Variants in BAZ2B observed in about 807,000 individuals in gnomAD.
BAZ2B encodes bromodomain adjacent to zinc finger domain 2B.
In BAZ2B, 91 loss-of-function variants were observed where a neutral mutation model predicts 246.0. That is an observed-to-expected ratio of 0.37 (90% CI 0.31 to 0.44). BAZ2B has a LOEUF of 0.44. Among genes scored for constraint, BAZ2B ranks in the 20% least tolerant of loss-of-function variants. The probability of loss-of-function intolerance (pLI) is 1.00; values close to 1 mark genes in which losing one functional copy is unlikely to be tolerated. For synonymous variants in BAZ2B, 855 were observed against 860.0 expected (o/e 0.99, Z 0.10); for missense variants, 2,332 against 2,533.7 (o/e 0.92, Z 1.71).
At chr2:159,324,403 T>C (rs2063149566) in intron 36 of BAZ2B, among the ~76,000 whole-genome samples, 1 of 152,184 alleles carries the variant, frequency 6.6e-6, no homozygotes, top group South Asian at 2.1e-4. Context: ...GAGTCAATTT[T>C]TGTTAAATCC....
intron 31 of BAZ2B, among the ~76,000 whole-genome samples, chr2:159,343,175 T>C (rs889570389): frequency 1.3e-5 from 2 of 152,146 alleles, no homozygotes; most frequent in African/African-American, 4.8e-5. Context: ...AAAAGAATAG[T>C]CTCTTCAATA....
chr2:159,708,322 G>A, the BAZ2B span, among the ~76,000 whole-genome samples: 2 of 152,234 alleles, frequency 1.3e-5, no homozygotes, highest in Admixed American at 6.5e-5. Flanking sequence ...AAATGTATCT[G>A]CTTTTCTTAA....
chr2:159,598,077 T>G (rs1691189756), intron 1 of BAZ2B, among the ~76,000 whole-genome samples: 1 of 151,822 alleles, frequency 6.6e-6, no homozygotes, highest in Admixed American at 6.6e-5. Flanking sequence ...CACTGCAATC[T>G]CTGCCTCCCG....
In BAZ2B at chr2:159,373,082, ACATTGGGG is replaced by A; in HGVS notation, c.4168_4175del (p.Pro1390TrpfsTer12). ...CCATGCCTTCTACAAAAATCCCCCC[ACATTGGGG>A]AAGAATCCAGTACCGGCGTCTGTAA... On this transcript the variant is annotated frameshift_variant, in exon 27 of 37. Coordinates refer to ENST00000392783, the MANE Select transcript of BAZ2B (RefSeq NM_013450.4). LOFTEE classifies it high-confidence loss of function. The A allele has an allele frequency of 1.2e-6, 2 of 1,614,034 alleles. No homozygotes were observed. The highest frequency in any genetic ancestry group is 1.7e-6 in the Non-Finnish European group (2 of 1,179,930).
intron 2 of BAZ2B, among the ~76,000 whole-genome samples, chr2:159,494,559 G>A (rs1439501492): frequency 6.6e-6 from 1 of 152,184 alleles, no homozygotes; most frequent in African/African-American, 2.4e-5. Flanking sequence ...GAGAGCAGCT[G>A]TACAAAATTC....
At chr2:159,356,315 C>T (rs1197115228) in intron 27 of BAZ2B, among the ~76,000 whole-genome samples, 4 of 152,144 alleles carry the variant, frequency 2.6e-5, no homozygotes, top group Admixed American at 6.5e-5. Context: ...AAGGGGTGTC[C>T]GCCATTACAG....
intron 1 of BAZ2B, among the ~76,000 whole-genome samples, chr2:159,576,231 A>C (rs1685249532): frequency 6.6e-6 from 1 of 152,178 alleles, no homozygotes; most frequent in South Asian, 2.1e-4. Flanking sequence ...CTGTAAGTAG[A>C]ACAAATATAC....
At chr2:159,692,783 G>T in the BAZ2B span, among the ~76,000 whole-genome samples, 44 of 152,238 alleles carry the variant, frequency 2.9e-4, 1 homozygote, top group South Asian at 9.1e-3. Context: ...ATCCCATATG[G>T]TCATAATATG....
intron 13 of BAZ2B, among the ~76,000 whole-genome samples, chr2:159,424,804 A>G (rs2069476823): frequency 6.6e-6 from 1 of 152,230 alleles, no homozygotes; most frequent in Non-Finnish European, 1.5e-5. Flanking sequence ...CAGATTACTT[A>G]TAATAGTAAA....
At chr2:159,594,338 C>G (rs1404132213) in intron 1 of BAZ2B, among the ~76,000 whole-genome samples, 2 of 152,114 alleles carry the variant, frequency 1.3e-5, no homozygotes, top group African/African-American at 4.8e-5. Flanking sequence ...ACCCGGGAGG[C>G]GGAGCTTGCA....
the BAZ2B span, among the ~76,000 whole-genome samples, chr2:159,695,672 A>C: frequency 6.6e-6 from 1 of 152,184 alleles, no homozygotes; most frequent in Non-Finnish European, 1.5e-5. Flanking sequence ...GCATTCTTGA[A>C]GAAAATGAAT....
At chr2:159,572,362 G>A (rs1361226577) in intron 1 of BAZ2B, among the ~76,000 whole-genome samples, 1 of 152,194 alleles carries the variant, frequency 6.6e-6, no homozygotes, top group Non-Finnish European at 1.5e-5. Flanking sequence ...AGACCCTACT[G>A]GTGGCTGGCA....
the BAZ2B span, among the ~76,000 whole-genome samples, chr2:159,648,687 T>C: frequency 6.6e-6 from 1 of 152,250 alleles, no homozygotes; most frequent in Non-Finnish European, 1.5e-5. Flanking sequence ...TATTTCATTA[T>C]ACAGATATCA....
chr2:159,554,235 G>A (rs1313614872), intron 2 of BAZ2B, among the ~76,000 whole-genome samples: 3 of 151,644 alleles, frequency 2.0e-5, no homozygotes, highest in Admixed American at 6.6e-5. Context: ...ATAAACTGTG[G>A]GAAAAAAAAT....
At chr2:159,396,967 T>C (rs2064116733) in intron 19 of BAZ2B, 3 of 848,900 alleles carry the variant, frequency 3.5e-6, no homozygotes, top group Admixed American at 3.0e-5. Flanking sequence ...TGCAGCAGTA[T>C]GTAATATGAC....
chr2:159,674,261 C>G, the BAZ2B span, among the ~76,000 whole-genome samples: 1 of 146,328 alleles, frequency 6.8e-6, no homozygotes, highest in Non-Finnish European at 1.5e-5. Flanking sequence ...CCTGAGCCCA[C>G]TAAGTGAGGG....
At chr2:159,687,967 G>A in the BAZ2B span, among the ~76,000 whole-genome samples, 52 of 152,288 alleles carry the variant, frequency 3.4e-4, no homozygotes, top group African/African-American at 1.1e-3. Flanking sequence ...GAAATGTTGT[G>A]AGTACAGGAC....
the BAZ2B span, among the ~76,000 whole-genome samples, chr2:159,696,706 T>A: frequency 2.0e-4 from 30 of 152,232 alleles, no homozygotes; most frequent in Non-Finnish European, 4.1e-4. Flanking sequence ...GTATGTATTT[T>A]TCTACTTACA....
intron 9 of BAZ2B, among the ~76,000 whole-genome samples, chr2:159,431,938 T>C (rs1027107140): frequency 1.3e-5 from 2 of 152,170 alleles, no homozygotes; most frequent in African/African-American, 4.8e-5. Flanking sequence ...TTGAAAGTTA[T>C]GAATATTGAT....
Sources: allele counts gnomAD v4.1 joint callset (sites outside exome capture counted in the v4.1 genomes callset), GRCh38; gene constraint gnomAD v4.1.1; transcripts MANE v1.5; gene names NCBI Gene and HGNC (gene_info 2026-07-23, HGNC 2026-07-21).